Variants in RYR3 observed in about 807,000 individuals in gnomAD.
RYR3 encodes the protein brain ryanodine receptor-calcium release channel.
RYR3 carries 207 observed loss-of-function variants against 584.3 expected under a neutral mutation model. The ratio of observed to expected loss-of-function variants is 0.35; its 90% CI spans 0.32 to 0.40. The LOEUF is 0.40. RYR3 is among the 10% of genes least tolerant of loss of function. The pLI is 1.00. For synonymous variants in RYR3, 2,416 were observed against 2,248.5 expected (o/e 1.07, Z -2.11); for missense variants, 5,616 against 6,089.2 (o/e 0.92, Z 2.59).
At chr15:33,768,836 A>C in intron 61 of RYR3, 129 bp downstream of exon 61, 1 of 884,480 alleles carries the variant, frequency 1.1e-6, no homozygotes, top group Non-Finnish European at 1.9e-6. Flanking sequence ...TTTGCCATAG[A>C]AAATTGATCT....
rs376663957 is a variant in RYR3 at position 33,788,472 on chromosome 15, C to A, written c.9830+14C>A. ...GGACAACAACAGGTACGGAGGAGAG[C>A]ACTAGGAGCCTGTCTGCCCCTCTGT... On this transcript the variant is annotated intron_variant, in intron 67 of 103. Coordinates refer to ENST00000634891, the MANE Select transcript of RYR3 (RefSeq NM_001036.6). 48 of 1,609,286 alleles carry A rather than the reference C, an allele frequency of 3.0e-5. No homozygotes were observed. The African/African-American group carries it at 6.4e-4, about 22-fold the overall frequency.
chr15:33,687,363 G>A (rs900269766), intron 38 of RYR3, among the ~76,000 whole-genome samples: 4 of 152,184 alleles, frequency 2.6e-5, no homozygotes, highest in African/African-American at 9.7e-5. Context: ...CAAGGGATGT[G>A]AAGGACCTCT....
chr15:33,460,866 C>T (rs530449877), intron 1 of RYR3, among the ~76,000 whole-genome samples: 1 of 149,526 alleles, frequency 6.7e-6, no homozygotes, highest in East Asian at 2.0e-4. Context: ...CTGTTTATTC[C>T]GTGATTTTTG....
intron 81 of RYR3, among the ~76,000 whole-genome samples, chr15:33,825,290 A>G (rs1350353613): frequency 6.6e-6 from 1 of 152,186 alleles, no homozygotes; most frequent in Admixed American, 6.5e-5. Flanking sequence ...AAACTTTTCT[A>G]AACCTTCACA....
At chr15:33,640,053 A>G (rs57983885) in intron 27 of RYR3, among the ~76,000 whole-genome samples, 2 of 151,970 alleles carry the variant, frequency 1.3e-5, no homozygotes, top group South Asian at 2.1e-4. Flanking sequence ...CCCCTGAGGG[A>G]CATGCTGCCT....
In RYR3 at chr15:33,539,336, G is replaced by A. The variant is rs2055609007; in HGVS notation, c.434-14G>A. 6.5e-7 allele frequency: 1 copy of A among 1,526,732 alleles called. No homozygotes were observed. The highest frequency in any genetic ancestry group is 1.4e-5 in the African/African-American group (1 of 73,026). The allele number at this position is 1,526,732 out of a possible 1,614,324, so 94.6% of individuals were successfully genotyped here. A position where few individuals can be genotyped will look rare whatever the true frequency, so the allele number is the denominator to read the frequency against. On this transcript the variant is annotated splice_polypyrimidine_tract_variant and intron_variant, in intron 5 of 103. Coordinates refer to ENST00000634891, the MANE Select transcript of RYR3 (RefSeq NM_001036.6). ...TCTGTGAAGCAATGACTAACTCAAGGAGCCTTCATGTAGGAGAAGCCTGTT... is the reference window on the plus strand; with the variant it reads ...TCTGTGAAGCAATGACTAACTCAAGAAGCCTTCATGTAGGAGAAGCCTGTT...
intron 1 of RYR3, among the ~76,000 whole-genome samples, chr15:33,461,196 G>T (rs1012571904): frequency 1.3e-5 from 2 of 151,724 alleles, no homozygotes; most frequent in African/African-American, 4.8e-5. Context: ...CGCCCGCCTC[G>T]GCCTCCCAAA....
chr15:33,435,387 T>G (rs1432499924), intron 1 of RYR3, among the ~76,000 whole-genome samples: 1 of 152,222 alleles, frequency 6.6e-6, no homozygotes, highest in Non-Finnish European at 1.5e-5. Context: ...TTTCAGCTAC[T>G]CTGTGGCATT....
chr15:33,855,277 A>C (rs963661408), intron 98 of RYR3, among the ~76,000 whole-genome samples: 10 of 151,966 alleles, frequency 6.6e-5, no homozygotes, highest in African/African-American at 2.4e-4. Context: ...GGCTCACTGC[A>C]ACCTCCGACT....
chr15:33,811,367 T>G (rs1040888133), intron 72 of RYR3, among the ~76,000 whole-genome samples: 3 of 151,796 alleles, frequency 2.0e-5, no homozygotes, highest in Non-Finnish European at 4.4e-5. Context: ...TAGCCGGGCG[T>G]GGTGGCGGGC....
intron 2 of RYR3, among the ~76,000 whole-genome samples, chr15:33,497,934 T>C (rs756974319): frequency 6.6e-5 from 10 of 152,176 alleles, no homozygotes; most frequent in African/African-American, 1.2e-4. Context: ...CAACTTCTTT[T>C]AATTCCACAT....
chr15:33,721,283 G>A (rs1040801314), intron 43 of RYR3, among the ~76,000 whole-genome samples: 5 of 152,192 alleles, frequency 3.3e-5, no homozygotes, highest in African/African-American at 4.8e-5. Context: ...GTGAGTGAAC[G>A]TGGAAACTGA....
intron 1 of RYR3, among the ~76,000 whole-genome samples, chr15:33,314,730 C>T (rs1221419869): frequency 6.7e-6 from 1 of 150,140 alleles, no homozygotes; most frequent in Non-Finnish European, 1.5e-5. Flanking sequence ...CTGGCTAACA[C>T]GGTGAAACCC....
intron 1 of RYR3, among the ~76,000 whole-genome samples, chr15:33,377,017 T>A (rs2141149996): frequency 6.6e-6 from 1 of 152,296 alleles, no homozygotes; most frequent in East Asian, 1.9e-4. Flanking sequence ...TTGAAAGAAA[T>A]CTGGTAGAAA....
intron 82 of RYR3, 47 bp downstream of exon 82, chr15:33,825,723 CT>C (rs374617439): frequency 6.3e-5 from 30 of 473,110 alleles, no homozygotes; most frequent in African/African-American, 2.5e-4. Context: ...TGATTAAAAT[CT>C]TTTTTTTTTT....
At chr15:33,659,855 C>G (rs758163966) in intron 33 of RYR3, 49 bp downstream of exon 33, 7 of 1,281,650 alleles carry the variant, frequency 5.5e-6, no homozygotes, top group Non-Finnish European at 7.9e-6. Context: ...GAAAGCAGCA[C>G]TAACCATTAG....
Position 33,700,960 on chromosome 15 carries a change from C to T in RYR3, c.6380-17C>T, listed in dbSNP as rs1242669339. ...TTCCTCTGTCCTTTTCTTGCTAATTCTCCCCTCCTCCCTCAGCCTCCCCGT... is the reference window on the plus strand; with the variant it reads ...TTCCTCTGTCCTTTTCTTGCTAATTTTCCCCTCCTCCCTCAGCCTCCCCGT... On this transcript the variant is annotated splice_polypyrimidine_tract_variant and intron_variant, in intron 41 of 103. Coordinates refer to ENST00000634891, the MANE Select transcript of RYR3 (RefSeq NM_001036.6). The T allele has an allele frequency of 1.3e-6, 2 of 1,589,600 alleles. No individual in the cohort carries two copies. The highest frequency in any genetic ancestry group is 1.7e-6 in the Non-Finnish European group (2 of 1,160,448).
chr15:33,780,569 T>G (rs1038213255), intron 65 of RYR3, among the ~76,000 whole-genome samples: 3 of 152,024 alleles, frequency 2.0e-5, no homozygotes, highest in Non-Finnish European at 4.4e-5. Context: ...AAGTGAGGAG[T>G]CAGTGTTGCT....
intron 1 of RYR3, among the ~76,000 whole-genome samples, chr15:33,398,828 A>C (rs2042453002): frequency 6.6e-6 from 1 of 152,148 alleles, no homozygotes; most frequent in Non-Finnish European, 1.5e-5. Context: ...TCTGGCCTGG[A>C]GGGACTCGTT....
Sources: allele counts gnomAD v4.1 joint callset (sites outside exome capture counted in the v4.1 genomes callset), GRCh38; gene constraint gnomAD v4.1.1; transcripts MANE v1.5; gene names NCBI Gene and HGNC (gene_info 2026-07-23, HGNC 2026-07-21).